ATP8B1: variants seen among roughly 807,000 people sequenced by gnomAD.
ATP8B1 encodes ATPase phospholipid transporting 8B1.
In ATP8B1, 80 loss-of-function variants were observed where a neutral mutation model predicts 149.9. The observed-to-expected ratio is 0.53, with a 90% CI of 0.45 to 0.64. ATP8B1 has a LOEUF of 0.64. Ranked by LOEUF, ATP8B1 falls within the 30% of genes least tolerant of loss-of-function variation. ATP8B1 has a pLI of 0.00. For missense variants in ATP8B1, 1,247 were observed against 1,552.6 expected (o/e 0.80, Z 3.31); for synonymous variants, 536 against 562.8 (o/e 0.95, Z 0.67).
chr18:57,728,480 AAGG>A (rs1568041741), intron 2 of ATP8B1, among the ~76,000 whole-genome samples: 1 of 152,166 alleles, frequency 6.6e-6, no homozygotes, highest in African/African-American at 2.4e-5. Flanking sequence ...GGGAGGAAAG[AAGG>A]AGAGCAGACT....
intron 2 of ATP8B1, among the ~76,000 whole-genome samples, chr18:57,725,979 C>T (rs1308151254): frequency 1.3e-5 from 2 of 152,152 alleles, no homozygotes; most frequent in African/African-American, 4.8e-5. Flanking sequence ...CCTGTAATTC[C>T]AGCACTTTGG....
intron 1 of ATP8B1, among the ~76,000 whole-genome samples, chr18:57,744,556 A>T (rs549738788): frequency 5.9e-5 from 9 of 152,332 alleles, no homozygotes; most frequent in African/African-American, 2.2e-4. Context: ...GAAAGTTACC[A>T]GGAGAAAACC....
chr18:57,764,756 T>TAAAAAAAAAAAA (rs1568061359), intron 1 of ATP8B1, among the ~76,000 whole-genome samples: 1 of 66,440 alleles, frequency 1.5e-5, no homozygotes, highest in Non-Finnish European at 2.9e-5. Context: ...CTTTCAGTTG[T>TAAAAAAAAAAAA]CAAAAAAAAA....
At chr18:57,788,674 C>T (rs2034240658) in intron 1 of ATP8B1, among the ~76,000 whole-genome samples, 1 of 152,202 alleles carries the variant, frequency 6.6e-6, no homozygotes. Context: ...CCAAACCCTG[C>T]TTCCCTTGTG....
intron 26 of ATP8B1, among the ~76,000 whole-genome samples, chr18:57,650,854 TA>T (rs968312845): frequency 1.3e-5 from 2 of 151,460 alleles, no homozygotes; most frequent in Admixed American, 6.6e-5. Flanking sequence ...AAAAATAAAA[TA>T]AAAAAAAGAA....
At chr18:57,786,591 G>A (rs948244404) in intron 1 of ATP8B1, among the ~76,000 whole-genome samples, 2 of 152,120 alleles carry the variant, frequency 1.3e-5, no homozygotes, top group Admixed American at 6.5e-5. Context: ...TACCATCTCC[G>A]AGATGGTACC....
chr18:57,681,453 G>A (rs189366058), intron 15 of ATP8B1, among the ~76,000 whole-genome samples: 4 of 152,262 alleles, frequency 2.6e-5, no homozygotes, highest in Non-Finnish European at 4.4e-5. Flanking sequence ...GTAAGCTAAT[G>A]AACAGGTGTT....
chr18:57,761,533 C>T (rs985930323), intron 1 of ATP8B1, among the ~76,000 whole-genome samples: 4 of 152,112 alleles, frequency 2.6e-5, no homozygotes, highest in African/African-American at 9.7e-5. Flanking sequence ...GAACCTGAAC[C>T]CAATCTACTG....
Position 57,648,807 on chromosome 18 carries a change from C to A in ATP8B1, c.3532-95G>T, listed in dbSNP as rs184236059. On this transcript the variant is annotated intron_variant, in intron 27 of 27. Coordinates refer to ENST00000648908, the MANE Select transcript of ATP8B1 (RefSeq NM_001374385.1). ...TGACAGAAATGAACACTGATGAACT[C>A]CCCTGACACCTGCCCCATTTTGATG... 1.5e-4 allele frequency: 178 copies of A among 1,203,000 alleles called. 2 individuals are homozygous for A. The African/African-American group carries it at 2.1e-3, about 14-fold the overall frequency. The allele number at this position is 1,203,000 out of a possible 1,614,324, so 74.5% of individuals were successfully genotyped here.
At chr18:57,663,343 C>T (rs1910617623) in intron 20 of ATP8B1, among the ~76,000 whole-genome samples, 1 of 152,276 alleles carries the variant, frequency 6.6e-6, no homozygotes, top group African/African-American at 2.4e-5. Context: ...CTGATGGGCA[C>T]CTGGGTTGCG....
intron 24 of ATP8B1, 132 bp from the exon 25 acceptor site, chr18:57,652,861 A>T (rs1909716775): frequency 9.2e-7 from 1 of 1,087,648 alleles, no homozygotes; most frequent in Non-Finnish European, 1.4e-6. Context: ...GAACAAGATA[A>T]TCGATCAATC....
At chr18:57,689,004 A>G (rs1912398244) in intron 12 of ATP8B1, among the ~76,000 whole-genome samples, 1 of 152,202 alleles carries the variant, frequency 6.6e-6, no homozygotes, top group South Asian at 2.1e-4. Flanking sequence ...TCCTAACCAC[A>G]TGCATCATTC....
intron 12 of ATP8B1, 118 bp downstream of exon 12, chr18:57,691,689 T>A: frequency 7.6e-7 from 1 of 1,311,570 alleles, no homozygotes; most frequent in Non-Finnish European, 1.0e-6. Context: ...ATGAACGTGA[T>A]TTTCTTACCT....
chr18:57,724,729 G>A (rs1188948603), intron 2 of ATP8B1, among the ~76,000 whole-genome samples: 6 of 145,796 alleles, frequency 4.1e-5, no homozygotes, highest in African/African-American at 1.5e-4. Flanking sequence ...AATACCATTT[G>A]ACCCAGCCAT....
chr18:57,779,969 AAC>A (rs1435281637), intron 1 of ATP8B1, among the ~76,000 whole-genome samples: 2 of 152,154 alleles, frequency 1.3e-5, no homozygotes, highest in Non-Finnish European at 2.9e-5. Flanking sequence ...TATAATATTA[AAC>A]AGTCTCTTTT....
chr18:57,668,218 A>G, intron 19 of ATP8B1: 4 of 1,448,772 alleles, frequency 2.8e-6, no homozygotes, highest in Non-Finnish European at 3.7e-6. Context: ...GCTAAATTAT[A>G]AGGAAGAAAC....
chr18:57,682,153 T>C lies in ATP8B1; in HGVS notation c.1630+1883A>G, dbSNP rs80056543. The stretch of plus-strand genomic sequence containing the variant: ...CCAAGTAGCTGGGATTATAGGCACA[T>C]GCCACCATGCTTGGCTAATGTTTTG... On this transcript the variant is annotated intron_variant, in intron 15 of 27. Coordinates refer to ENST00000648908, the MANE Select transcript of ATP8B1 (RefSeq NM_001374385.1). 3.5e-4 allele frequency among the ~76,000 whole-genome samples: 53 copies of C among 152,136 alleles called. 2 individuals carry two copies. The East Asian group carries it at 0.01, about 30-fold the overall frequency.
At chr18:57,795,355 A>G (rs1041250185) in intron 1 of ATP8B1, among the ~76,000 whole-genome samples, 3 of 148,734 alleles carry the variant, frequency 2.0e-5, no homozygotes, top group African/African-American at 5.0e-5. Context: ...GTAAGCTATG[A>G]TCACACCACT....
chr18:57,684,169 T>C lies in ATP8B1; in HGVS notation c.1497A>G (p.Thr499=). 6.2e-7 allele frequency: 1 copy of C among 1,614,062 alleles called. No individual in the cohort carries two copies. The highest frequency in any genetic ancestry group is 8.5e-7 in the Non-Finnish European group (1 of 1,179,940). The part of the protein sequence containing the change: ...KIEQVDFSWN[T]YADGKLAFYD... ...AAAATGCAAGCTTCCCATCAGCATA[T>C]GTATTCCAGCTAAAATCAACTTGCT... Residue 499 remains threonine (T), a synonymous_variant, in exon 15 of 28, where the codon ACA becomes ACG. Transcript: ENST00000648908.
Sources: allele counts gnomAD v4.1 joint callset (sites outside exome capture counted in the v4.1 genomes callset), GRCh38; gene constraint gnomAD v4.1.1; transcripts MANE v1.5; gene names NCBI Gene and HGNC (gene_info 2026-07-23, HGNC 2026-07-21).